Variants in RNF213 observed in about 807,000 individuals in gnomAD.
RNF213 encodes the protein E3 ubiquitin-protein ligase RNF213.
RNF213 carries 341 observed loss-of-function variants against 514.4 expected under a neutral mutation model. That is an observed-to-expected ratio of 0.66 (90% CI 0.61 to 0.73). The LOEUF (loss-of-function observed/expected upper bound fraction) is 0.73. Ranked by LOEUF, RNF213 falls within the 30% of genes least tolerant of loss-of-function variation. The pLI, the probability that RNF213 is intolerant of heterozygous loss-of-function variation, is 0.00. For synonymous variants in RNF213, 2,655 were observed against 2,658.2 expected (o/e 1.00, Z 0.04); for missense variants, 5,767 against 6,615.6 (o/e 0.87, Z 4.45).
At position 80,353,719 on chromosome 17, in the gene RNF213, C is replaced by G; in HGVS notation, c.10578+53C>G. ...TTGTGCTGCTGGTGATGCTTCTGAG[C>G]TGCATCTTTAAACGCTTTTGCATTG... On this transcript the variant is annotated intron_variant, in intron 34 of 67. Transcript: ENST00000582970. This position sits in a 1 kb window ranked among gnomAD's most constrained non-coding sequence, Gnocchi z 5.0. The G allele has an allele frequency of 6.2e-7, 1 of 1,611,064 alleles. No homozygotes were observed. Among genetic ancestry groups the G allele is most frequent in the South Asian group, 1.1e-5 (1 of 90,914 alleles).
chr17:80,368,180 T>C (rs2079357041), intron 44 of RNF213, 37 bp downstream of exon 44: 7 of 1,607,214 alleles, frequency 4.4e-6, no homozygotes, highest in African/African-American at 2.7e-5. Context: ...CATCCTTTTT[T>C]TCATTTTCCT....
In RNF213 at chr17:80,352,804, G is replaced by A. The variant is rs2078577441; in HGVS notation, c.10304-136G>A. 7 of 1,376,198 alleles carry A rather than the reference G, an allele frequency of 5.1e-6. No individual in the cohort carries two copies. The Admixed American group carries it at 8.4e-5, about 16-fold the overall frequency. 85.2% of individuals were successfully genotyped at this position (1,376,198 alleles called of 1,614,324 possible). On this transcript the variant is annotated intron_variant, in intron 32 of 67. Coordinates refer to ENST00000582970, the MANE Select transcript of RNF213 (RefSeq NM_001256071.3). ...GGTTTCTGCGCAGGCCCATTCCAGG[G>A]TTTCGGCTTCAGGGTGCCAGTCATT...
At position 80,374,570 on chromosome 17, in the gene RNF213, G is replaced by A. The variant is rs2079666382; in HGVS notation, c.13055G>A (p.Gly4352Asp). ...AKAVLECKPL[G>D]IKTALKACKT... ...GCTGTCCTCGAGTGCAAGCCACTGGGCATTAAGACTGCTCTGAAGGTAGGA... is the reference window on the plus strand; with the variant it reads ...GCTGTCCTCGAGTGCAAGCCACTGGACATTAAGACTGCTCTGAAGGTAGGA... The change falls in exon 50 of 68, where the codon GGC becomes GAC. Residue 4352 changes from glycine to aspartate, a missense_variant. By Grantham distance (94) the Gly-to-Asp change is moderately conservative. Around this residue, in one of 13 missense-constraint regions of RNF213, gnomAD observed 1,245 missense variants for 1,339.0 expected, o/e 0.93. Transcript: ENST00000582970. The A allele has an allele frequency of 2.5e-6, 4 of 1,614,156 alleles. No homozygotes were observed. The highest frequency in any genetic ancestry group is 3.4e-6 in the Non-Finnish European group (4 of 1,180,020).
At chr17:80,281,609 TCA>T (rs975244785) in intron 3 of RNF213, among the ~76,000 whole-genome samples, 1 of 78,628 alleles carries the variant, frequency 1.3e-5, no homozygotes, top group African/African-American at 5.0e-5. Flanking sequence ...CACAGCCAAC[TCA>T]CACCACTCAC....
Position 80,352,976 on chromosome 17 carries a change from G to A in RNF213, c.10340G>A (p.Arg3447Lys), listed in dbSNP as rs138770190. 2.0e-5 allele frequency: 32 copies of A among 1,614,036 alleles called. No individual in the cohort carries two copies. The African/African-American group carries it at 3.6e-4, about 18-fold the overall frequency. The change falls in exon 33 of 68, where the codon AGA (arginine) becomes AAA (lysine). Residue 3447 changes from arginine to lysine, a missense_variant. Physicochemically the swap from Arg to Lys is conservative, Grantham distance 26. Transcript: ENST00000582970. The stretch of plus-strand genomic sequence containing the variant: ...TCTGTCCACATCGATGACCTCCGGA[G>A]ATCCACCCTCATGGTTTCTGATGTG... ...WQSVHIDDLR[R>K]STLMVSDVTR...
intron 40 of RNF213, 30 bp from the exon 41 acceptor site, chr17:80,363,579 T>G: frequency 6.2e-7 from 1 of 1,611,560 alleles, no homozygotes; most frequent in Non-Finnish European, 8.5e-7. Flanking sequence ...GGGGCACCGC[T>G]CAGCCACGCC....
In RNF213 at chr17:80,317,394, A is replaced by T. The variant is rs78119017; in HGVS notation, c.2901+117A>T. ...CCTCTCTGTGGGCAGGGATGGGGTGAATCACAGCTCCGTGTTTCTGTTTCT... is the reference window on the plus strand; with the variant it reads ...CCTCTCTGTGGGCAGGGATGGGGTGTATCACAGCTCCGTGTTTCTGTTTCT... On this transcript the variant is annotated intron_variant, in intron 16 of 67. Transcript: ENST00000582970. The surrounding 1 kb of genome is among the most constrained non-coding windows in gnomAD (Gnocchi z 4.1). 1.1e-3 allele frequency: 973 copies of T among 877,480 alleles called. 6 individuals are homozygous for T. In the African/African-American group the frequency reaches 0.014, roughly 13 times the overall value. 54.4% of individuals were successfully genotyped at this position (877,480 alleles called of 1,614,324 possible).
intron 26 of RNF213, 168 bp downstream of exon 26, chr17:80,340,524 G>C: frequency 3.1e-6 from 2 of 635,652 alleles, no homozygotes; most frequent in Non-Finnish European, 5.4e-6. Context: ...AGGCACCCTG[G>C]TCACCTGGTC....
Position 80,328,002 on chromosome 17 carries a change from T to C in RNF213, c.3367+13T>C, listed in dbSNP as rs368173859. On this transcript the variant is annotated intron_variant, in intron 19 of 67. Transcript: ENST00000582970. The stretch of plus-strand genomic sequence containing the variant: ...ATCTGGCAACTGAGTAAGCATCGAG[T>C]CGATACGCACTTCAGGCTCCTGAGG... 6.2e-5 allele frequency: 96 copies of C among 1,536,892 alleles called. No individual in the cohort carries two copies. Among genetic ancestry groups the C allele is most frequent in the Non-Finnish European group, 8.1e-5 (93 of 1,146,816 alleles).
chr17:80,350,855 A>AT (rs767888743), intron 31 of RNF213, among the ~76,000 whole-genome samples: 20 of 152,364 alleles, frequency 1.3e-4, no homozygotes, highest in Admixed American at 1.0e-3. Context: ...AACAAGCTAT[A>AT]AAAGGATGCC....
intron 29 of RNF213, 101 bp from the exon 30 acceptor site, chr17:80,349,669 C>T (rs902677507): frequency 2.1e-5 from 28 of 1,303,118 alleles, no homozygotes; most frequent in East Asian, 1.2e-4. Flanking sequence ...AACTGCACCG[C>T]GCTGAACATC....
intron 56 of RNF213, 193 bp from the exon 57 acceptor site, chr17:80,381,354 C>A: frequency 1.5e-6 from 1 of 672,874 alleles, no homozygotes; most frequent in Non-Finnish European, 2.7e-6. Context: ...CTTTATCTCA[C>A]TGTAACAACA....
chr17:80,369,735 T>G, intron 45 of RNF213, 33 bp from the exon 46 acceptor site: 1 of 1,613,056 alleles, frequency 6.2e-7, no homozygotes, highest in Non-Finnish European at 8.5e-7. Context: ...GCATGTCTCA[T>G]GCAGTGAGCT....
At chr17:80,339,117 C>T (rs1003175158) in intron 25 of RNF213, 84 bp from the exon 26 acceptor site, 12 of 1,199,500 alleles carry the variant, frequency 1.0e-5, no homozygotes, top group African/African-American at 9.2e-5. Flanking sequence ...CGTCTTTTGG[C>T]GGTAGGCCTG....
chr17:80,365,634 G>A (rs1352957973), intron 42 of RNF213, among the ~76,000 whole-genome samples: 1 of 152,008 alleles, frequency 6.6e-6, no homozygotes, highest in Non-Finnish European at 1.5e-5. Context: ...GCAAGAAACT[G>A]AGGAGTTTTT....
In RNF213 at chr17:80,393,654, G is replaced by A. The variant is rs2080573462; in HGVS notation, c.*156G>A. On this transcript the variant is annotated 3_prime_UTR_variant, in exon 68 of 68. Transcript: ENST00000582970. ...AAGACCAAGGCGTGCTACCTGAGCT[G>A]ACAGCTTTTTGAAAGCCGAGCTGTT... 4 of 757,534 alleles carry A rather than the reference G, an allele frequency of 5.3e-6. No individual in the cohort carries two copies. The South Asian group carries it at 7.0e-5, about 13-fold the overall frequency. 46.9% of individuals were successfully genotyped at this position (757,534 alleles called of 1,614,324 possible).
intron 59 of RNF213, 197 bp from the exon 60 acceptor site, chr17:80,384,842 T>A: frequency 1.5e-6 from 1 of 654,174 alleles, no homozygotes; most frequent in Non-Finnish European, 2.7e-6. Flanking sequence ...CCGCCCTCCA[T>A]TTCTAGCACA....
chr17:80,338,025 A>G, intron 25 of RNF213, 28 bp downstream of exon 25: 2 of 1,537,164 alleles, frequency 1.3e-6, no homozygotes, highest in Non-Finnish European at 1.7e-6. Flanking sequence ...CAGTGGCGCT[A>G]AGCTGGTGGT....
At position 80,354,298 on chromosome 17, in the gene RNF213, G is replaced by T. The variant is rs929217116; in HGVS notation, c.10726+132G>T. ...CTCAGCAGAAGCAGTGACACAGTGG[G>T]AATCTAAGAGCATCTCTCAGATTTT... is the stretch of plus-strand genomic sequence containing the variant. On this transcript the variant is annotated intron_variant, in intron 35 of 67. Coordinates refer to ENST00000582970, the MANE Select transcript of RNF213 (RefSeq NM_001256071.3). 67 of 1,485,888 alleles carry T rather than the reference G, an allele frequency of 4.5e-5. No homozygotes were observed. In the East Asian group the frequency reaches 1.5e-3, roughly 34 times the overall value. The allele number at this position is 1,485,888 out of a possible 1,614,324, so 92.0% of individuals were successfully genotyped here. A position where few individuals can be genotyped will look rare whatever the true frequency, so the allele number is the denominator to read the frequency against.
Sources: gnomAD v4.1 joint callset for allele counts (sites outside exome capture counted in the v4.1 genomes callset) on GRCh38, gnomAD v4.1.1 for gene constraint, gnomAD v4.1.1 regional missense constraint, Gnocchi (gnomAD v3.1) non-coding constraint, MANE v1.5 for transcripts, NCBI Gene and HGNC (gene_info 2026-07-23, HGNC 2026-07-21) for gene names.